ZNF266: variants seen among roughly 807,000 people sequenced by gnomAD.
ZNF266 encodes the protein zinc finger protein 266.
ZNF266 carries 16 observed loss-of-function variants against 16.4 expected under a neutral mutation model. That is an observed-to-expected ratio of 0.98 (90% CI 0.66 to 1.48). The LOEUF (loss-of-function observed/expected upper bound fraction) is 1.48. Ranked by LOEUF, ZNF266 falls within the 40% of genes most tolerant of loss-of-function variation. The probability of loss-of-function intolerance (pLI) is 0.00; values close to 1 mark genes in which losing one functional copy is unlikely to be tolerated. For missense variants in ZNF266, 738 were observed against 689.1 expected, an observed-to-expected ratio of 1.07 and a Z score of -0.79; for synonymous variants, 262 against 237.9, an observed-to-expected ratio of 1.10 and a Z score of -0.93.
chr19:9,414,005 C>G lies in ZNF266; in HGVS notation c.1121G>C (p.Arg374Thr). ...TAAATGTTCAGTAAGTTGAGAAGATCTAGTGAAGGCTATCCCACATTCCTT... is the reference window on the plus strand; with the variant it reads ...TAAATGTTCAGTAAGTTGAGAAGATGTAGTGAAGGCTATCCCACATTCCTT... Reference protein sequence around the residue: ...ECKECGIAFTRSSQLTEHLKT... With the variant: ...ECKECGIAFTTSSQLTEHLKT... The change falls in exon 11 of 11, where the codon AGA becomes ACA. Residue 374 changes from arginine (R) to threonine (T), a missense_variant. Physicochemically the swap from Arg to Thr is moderately conservative, Grantham distance 71. Transcript: ENST00000592904. 6.2e-7 allele frequency: 1 copy of G among 1,614,166 alleles called. No individual in the cohort carries two copies. The highest frequency in any genetic ancestry group is 8.5e-7 in the Non-Finnish European group (1 of 1,180,040).
chr19:9,435,530 G>GA lies in ZNF266; in HGVS notation c.-805dup, dbSNP rs1395891940. ...TATTAAGCCCAAACGCCACCAGGAA[G>GA]AAAACGGGTTTGGCGGCGCGGAGAA... On this transcript the variant is annotated 5_prime_UTR_variant, in exon 1 of 11. Coordinates refer to ENST00000592904, the MANE Select transcript of ZNF266 (RefSeq NM_001370374.1). The GA allele has an allele frequency of 2.0e-5, 3 of 152,264 alleles. No homozygotes were observed. The highest frequency in any genetic ancestry group is 4.4e-5 in the Non-Finnish European group (3 of 68,068). 9.4% of individuals were successfully genotyped at this position (152,264 alleles called of 1,614,324 possible).
chr19:9,429,858 C>A (rs1161408530), intron 5 of ZNF266, among the ~76,000 whole-genome samples: 1 of 152,130 alleles, frequency 6.6e-6, no homozygotes, highest in East Asian at 1.9e-4. Flanking sequence ...TCGGTAAACT[C>A]CTTAACCCCA....
intron 3 of ZNF266, among the ~76,000 whole-genome samples, 165 bp from the exon 4 acceptor site, chr19:9,434,400 T>C (rs1010557591): frequency 4.6e-5 from 7 of 152,186 alleles, no homozygotes; most frequent in African/African-American, 1.7e-4. Flanking sequence ...TATGCCTTAA[T>C]TAACCATTCA....
chr19:9,417,545 G>A (rs183183134), intron 9 of ZNF266, among the ~76,000 whole-genome samples: 71 of 152,142 alleles, frequency 4.7e-4, no homozygotes, highest in South Asian at 1.7e-3. Context: ...TGACCAACAC[G>A]GTCAAACCCC....
At chr19:9,432,403 A>C (rs1370542503) in intron 5 of ZNF266, among the ~76,000 whole-genome samples, 1 of 152,218 alleles carries the variant, frequency 6.6e-6, no homozygotes, top group African/African-American at 2.4e-5. Context: ...ATCCTCAGCA[A>C]CTTTATATCA....
intron 10 of ZNF266, among the ~76,000 whole-genome samples, chr19:9,415,193 G>A (rs999196522): frequency 1.3e-5 from 2 of 152,128 alleles, no homozygotes; most frequent in African/African-American, 4.8e-5. Flanking sequence ...TACTCAGCAG[G>A]GTGAGGCACA....
At chr19:9,414,807 G>T in intron 10 of ZNF266, 87 bp from the exon 11 acceptor site, 1 of 1,382,716 alleles carries the variant, frequency 7.2e-7, no homozygotes. Flanking sequence ...ACACTGTGAT[G>T]ATTATTATCA....
intron 5 of ZNF266, among the ~76,000 whole-genome samples, chr19:9,427,966 G>GA (rs34904685): frequency 6.7e-6 from 1 of 150,172 alleles, no homozygotes; most frequent in African/African-American, 2.4e-5. Flanking sequence ...ATGCCTCGAA[G>GA]AAAAAAAAAA....
At position 9,413,763 on chromosome 19, in the gene ZNF266, C is replaced by T. The variant is rs202197333; in HGVS notation, c.1363G>A (p.Ala455Thr). 2.0e-5 allele frequency: 33 copies of T among 1,614,008 alleles called. No individual in the cohort carries two copies. The East Asian group carries it at 5.8e-4, about 28-fold the overall frequency. Residue 455 changes from alanine (A) to threonine (T), a missense_variant, in exon 11 of 11, where the codon GCC becomes ACC. Coordinates refer to ENST00000592904, the MANE Select transcript of ZNF266 (RefSeq NM_001370374.1). ...CTAAGGCGAGAGGATCTGGCAAAGGCCTTTCCACATTCCTTACATTCATAG... is the reference window on the plus strand; with the variant it reads ...CTAAGGCGAGAGGATCTGGCAAAGGTCTTTCCACATTCCTTACATTCATAG... ...RPYECKECGK[A>T]FARSSRLSEH...
Position 9,413,611 on chromosome 19 carries a change from G to A in ZNF266, c.1515C>T (p.Cys505=). Residue 505 remains cysteine, a synonymous_variant, in exon 11 of 11, where the codon TGC becomes TGT. Transcript: ENST00000592904. ...GCGTAAATGCTTTACCACATTCCAG[G>A]CACTCAAAGGGCTTCTCTCCAGTGT... is the stretch of plus-strand genomic sequence containing the variant. The part of the protein sequence containing the change: ...RIHTGEKPFE[C]LECGKAFTHS... The A allele has an allele frequency of 6.2e-7, 1 of 1,613,704 alleles. No homozygotes were observed. The highest frequency in any genetic ancestry group is 8.5e-7 in the Non-Finnish European group (1 of 1,179,902).
chr19:9,420,143 G>A lies in ZNF266; in HGVS notation c.-54C>T, dbSNP rs1412924670. The A allele has an allele frequency of 6.6e-6, 1 of 151,504 alleles. No homozygotes were observed. Among genetic ancestry groups the A allele is most frequent in the Middle Eastern group, 3.4e-3 (1 of 290 alleles). The allele number at this position is 151,504 out of a possible 1,614,324, so 9.4% of individuals were successfully genotyped here. ...CAAAGCACCTTTCCTTTACTCCAAG[G>A]ATCACTCCAGGACAGCTTAGGAATC... is the stretch of plus-strand genomic sequence containing the variant. On this transcript the variant is annotated 5_prime_UTR_variant, in exon 6 of 11. Transcript: ENST00000592904.
At chr19:9,429,547 G>A (rs968488386) in intron 5 of ZNF266, among the ~76,000 whole-genome samples, 2 of 151,744 alleles carry the variant, frequency 1.3e-5, no homozygotes, top group Non-Finnish European at 2.9e-5. Flanking sequence ...AAATATCACC[G>A]CTGGAAACAA....
chr19:9,417,187 G>C (rs988956188), intron 9 of ZNF266, among the ~76,000 whole-genome samples: 1 of 151,620 alleles, frequency 6.6e-6, no homozygotes, highest in African/African-American at 2.4e-5. Flanking sequence ...CGTGGCCAAT[G>C]TGGTGAAACC....
In ZNF266 at chr19:9,414,015, C is replaced by T; in HGVS notation, c.1111G>A (p.Ala371Thr). 1 of 1,614,124 alleles carries T rather than the reference C, an allele frequency of 6.2e-7. No homozygotes were observed. The highest frequency in any genetic ancestry group is 8.5e-7 in the Non-Finnish European group (1 of 1,180,016). Residue 371 changes from alanine (A) to threonine (T), a missense_variant, in exon 11 of 11, where the codon GCC (alanine) becomes ACC (threonine). Coordinates refer to ENST00000592904, the MANE Select transcript of ZNF266 (RefSeq NM_001370374.1). Reference sequence around the variant, plus strand: ...GTAAGTTGAGAAGATCTAGTGAAGGCTATCCCACATTCCTTGCATTCATAA... The same window carrying T: ...GTAAGTTGAGAAGATCTAGTGAAGGTTATCCCACATTCCTTGCATTCATAA... ...KPYECKECGI[A>T]FTRSSQLTEH...
At chr19:9,418,348 A>C (rs1424856340) in intron 8 of ZNF266, among the ~76,000 whole-genome samples, 157 bp downstream of exon 8, 1 of 152,228 alleles carries the variant, frequency 6.6e-6, no homozygotes, top group Admixed American at 6.5e-5. Context: ...CTGACACCAC[A>C]TTTTGAGAAT....
At chr19:9,414,847 GT>G in intron 10 of ZNF266, 127 bp from the exon 11 acceptor site, 1 of 1,085,648 alleles carries the variant, frequency 9.2e-7, no homozygotes, top group Non-Finnish European at 1.2e-6. Flanking sequence ...ACACATATAA[GT>G]AATGCCCTTT....
chr19:9,414,579 G>C lies in ZNF266; in HGVS notation c.547C>G (p.Leu183Val). The C allele has an allele frequency of 6.2e-7, 1 of 1,613,880 alleles. No homozygotes were observed. Among genetic ancestry groups the C allele is most frequent in the Non-Finnish European group, 8.5e-7 (1 of 1,179,776 alleles). The change falls in exon 11 of 11, where the codon CTT becomes GTT. Residue 183 changes from leucine (L) to valine (V), a missense_variant. Physicochemically the swap from Leu to Val is conservative, Grantham distance 32. Transcript: ENST00000592904. The part of the protein sequence containing the change: ...FECYLYGVDF[L>V]TLHKKTSTGE... ...GTAGAGGTTTTCTTGTGCAGAGTAAGGAAGTCTACTCCATACAGATAACAC... is the reference window on the plus strand; with the variant it reads ...GTAGAGGTTTTCTTGTGCAGAGTAACGAAGTCTACTCCATACAGATAACAC...
At chr19:9,416,907 G>A (rs1176543920) in intron 9 of ZNF266, among the ~76,000 whole-genome samples, 1 of 151,698 alleles carries the variant, frequency 6.6e-6, no homozygotes, top group Non-Finnish European at 1.5e-5. Flanking sequence ...ATGACCTCAT[G>A]TGATCTGCCC....
At chr19:9,427,988 G>GAA (rs35954186) in intron 5 of ZNF266, among the ~76,000 whole-genome samples, 1 of 151,684 alleles carries the variant, frequency 6.6e-6, no homozygotes, top group Non-Finnish European at 1.5e-5. Flanking sequence ...AAAACGGGGG[G>GAA]AAAAATCAAC....
Sources: gnomAD v4.1 joint callset for allele counts (sites outside exome capture counted in the v4.1 genomes callset) on GRCh38, gnomAD v4.1.1 for gene constraint, MANE v1.5 for transcripts, NCBI Gene and HGNC (gene_info 2026-07-23, HGNC 2026-07-21) for gene names.